Variants in PHIP observed in about 807,000 individuals in gnomAD.
PHIP encodes PH-interacting protein.
In PHIP, 54 loss-of-function variants were observed where a neutral mutation model predicts 236.8. The ratio of observed to expected loss-of-function variants is 0.23; its 90% CI spans 0.18 to 0.29. The LOEUF is 0.29. Among genes scored for constraint, PHIP ranks in the 10% least tolerant of loss-of-function variants. The pLI is 1.00. For synonymous variants in PHIP, 756 were observed against 718.9 expected (o/e 1.05, Z -0.83); for missense variants, 1,370 against 2,190.8 (o/e 0.63, Z 7.48).
chr6:79,065,886 T>C (rs1158891753), intron 4 of PHIP, among the ~76,000 whole-genome samples: 1 of 152,012 alleles, frequency 6.6e-6, no homozygotes, highest in Non-Finnish European at 1.5e-5. Context: ...ATTAATCATA[T>C]TCATATTCTT....
chr6:79,051,152 G>A lies in PHIP; in HGVS notation c.440-8149C>T, dbSNP rs115527843. On this transcript the variant is annotated intron_variant, in intron 6 of 39. Transcript: ENST00000275034. ...TGACAACCAAATACTCATAATTCGA[G>A]GGCCAGAATTAATCTGGGAAATTAT... is the stretch of plus-strand genomic sequence containing the variant. Among the ~76,000 whole-genome samples, 627 of 152,188 alleles carry A rather than the reference G, an allele frequency of 4.1e-3. 1 individual carries two copies. Among genetic ancestry groups the A allele is most frequent in the African/African-American group, 0.014 (567 of 41,524 alleles).
rs1425622750 is a variant in PHIP at position 78,990,895 on chromosome 6, T to C, written c.2292A>G (p.Lys764=). 6.3e-7 allele frequency: 1 copy of C among 1,598,972 alleles called. No individual in the cohort carries two copies. The highest frequency in any genetic ancestry group is 1.1e-5 in the South Asian group (1 of 90,388). Residue 764 remains lysine, a synonymous_variant, in exon 20 of 40, where the codon AAA becomes AAG. Transcript: ENST00000275034. ...TTGAGACAGTGGGTATTTTATTCTC[T>C]TTTGGAACAGTTAAGTGTTTTCTTT... is the stretch of plus-strand genomic sequence containing the variant. The part of the protein sequence containing the change: ...EEKRKHLTVP[K]ENKIPTVSKN...
At chr6:78,984,384 G>C (rs1420105468) in intron 22 of PHIP, among the ~76,000 whole-genome samples, 2 of 150,870 alleles carry the variant, frequency 1.3e-5, no homozygotes, top group Non-Finnish European at 3.0e-5. Flanking sequence ...ACTGTAAATG[G>C]TACCTGCCAA....
intron 19 of PHIP, among the ~76,000 whole-genome samples, chr6:78,993,608 A>G (rs1167886549): frequency 6.6e-6 from 1 of 152,232 alleles, no homozygotes; most frequent in African/African-American, 2.4e-5. Flanking sequence ...GAAACAACAA[A>G]GTCTAGATGG....
At position 79,007,603 on chromosome 6, in the gene PHIP, T is replaced by C. The variant is rs149923773; in HGVS notation, c.1525-3745A>G. Among the ~76,000 whole-genome samples, 95 of 150,736 alleles carry C rather than the reference T, an allele frequency of 6.3e-4. 1 individual carries two copies. In the South Asian group the frequency reaches 8.2e-3, roughly 13 times the overall value. ...ATATGGGCTATCTTAGGCAGAACCA[T>C]CCTCTTCTAGAGTTATTTCAATTCT... is the stretch of plus-strand genomic sequence containing the variant. On this transcript the variant is annotated intron_variant, in intron 15 of 39. Transcript: ENST00000275034.
In PHIP at chr6:78,975,425, T is replaced by A. The variant is rs1328453657; in HGVS notation, c.2889+3167A>T. Among the ~76,000 whole-genome samples, 18 of 152,278 alleles carry A rather than the reference T, an allele frequency of 1.2e-4. No individual in the cohort carries two copies. In the East Asian group the frequency reaches 3.5e-3, roughly 29 times the overall value. The stretch of plus-strand genomic sequence containing the variant: ...AACCCACAGCCAATATCATACTGAA[T>A]GGGCAAAAACTGGAAGCATTCCCTT... On this transcript the variant is annotated intron_variant, in intron 24 of 39. Transcript: ENST00000275034.
intron 9 of PHIP, among the ~76,000 whole-genome samples, chr6:79,022,284 A>G (rs1204874786): frequency 1.3e-5 from 2 of 152,208 alleles, no homozygotes; most frequent in African/African-American, 2.4e-5. Context: ...TGATACATGT[A>G]AAGTGCTTAG....
At position 79,009,285 on chromosome 6, in the gene PHIP, T is replaced by G. The variant is rs180819992; in HGVS notation, c.1525-5427A>C. On this transcript the variant is annotated intron_variant, in intron 15 of 39. Transcript: ENST00000275034. ...AATCAAGCTTCCTAAATATCTAAAT[T>G]TCTATGAACATGTCTTGACACTTAG... 1.6e-4 allele frequency among the ~76,000 whole-genome samples: 24 copies of G among 152,250 alleles called. No individual in the cohort carries two copies. The East Asian group carries it at 4.4e-3, about 28-fold the overall frequency.
At chr6:79,072,718 C>T (rs1481702705) in intron 4 of PHIP, among the ~76,000 whole-genome samples, 4 of 152,194 alleles carry the variant, frequency 2.6e-5, no homozygotes, top group African/African-American at 9.6e-5. Context: ...AACTCATGGC[C>T]TCCCAAAGTA....
intron 24 of PHIP, among the ~76,000 whole-genome samples, chr6:78,974,019 A>C (rs1170996236): frequency 6.6e-6 from 1 of 152,186 alleles, no homozygotes; most frequent in Non-Finnish European, 1.5e-5. Context: ...CTCTGCACCA[A>C]GCAGACCTAA....
At chr6:78,987,094 T>C (rs974021966) in intron 21 of PHIP, among the ~76,000 whole-genome samples, 14 of 152,104 alleles carry the variant, frequency 9.2e-5, no homozygotes, top group African/African-American at 3.4e-4. Flanking sequence ...ATTCTAAATT[T>C]CTAAAAGGAT....
At chr6:79,075,765 C>T (rs189631423) in intron 4 of PHIP, among the ~76,000 whole-genome samples, 71 of 152,146 alleles carry the variant, frequency 4.7e-4, no homozygotes, top group Non-Finnish European at 1.6e-4. Context: ...TGCAGCATTC[C>T]TCAGTGACTT....
chr6:79,003,655 C>T, intron 16 of PHIP, 75 bp downstream of exon 16: 1 of 980,416 alleles, frequency 1.0e-6, no homozygotes, highest in Non-Finnish European at 1.5e-6. Context: ...GATTCTCACC[C>T]ACTCCAAAAA....
chr6:79,076,561 A>G (rs1041039066), intron 4 of PHIP, among the ~76,000 whole-genome samples: 2 of 152,216 alleles, frequency 1.3e-5, no homozygotes, highest in Middle Eastern at 3.2e-3. Context: ...ATTTTTAAAG[A>G]TTCCTAAAAT....
chr6:78,989,996 C>T (rs1769117553), intron 20 of PHIP, among the ~76,000 whole-genome samples: 2 of 151,910 alleles, frequency 1.3e-5, no homozygotes, highest in Admixed American at 6.6e-5. Flanking sequence ...AAAAGGACTA[C>T]TTGAGTATTT....
intron 27 of PHIP, among the ~76,000 whole-genome samples, chr6:78,968,336 A>T (rs1767286818): frequency 6.6e-6 from 1 of 152,214 alleles, no homozygotes; most frequent in Non-Finnish European, 1.5e-5. Flanking sequence ...ATGGGTTTTA[A>T]CTGACCAGGT....
intron 6 of PHIP, among the ~76,000 whole-genome samples, chr6:79,056,227 G>A (rs11760038): frequency 0.07 from 10,590 of 152,228 alleles, 461 homozygotes; most frequent in Non-Finnish European, 0.091. Flanking sequence ...TTTAACATCT[G>A]AGTTTTAAAG....
intron 23 of PHIP, 115 bp from the exon 24 acceptor site, chr6:78,978,826 T>A: frequency 1.3e-6 from 1 of 793,698 alleles, no homozygotes; most frequent in Non-Finnish European, 1.9e-6. Flanking sequence ...GGCACCATTG[T>A]ACAATATTAT....
At chr6:79,030,886 C>T (rs1432869034) in intron 7 of PHIP, among the ~76,000 whole-genome samples, 2 of 151,960 alleles carry the variant, frequency 1.3e-5, no homozygotes, top group Admixed American at 1.3e-4. Flanking sequence ...TGTTTAATCA[C>T]AAAGATAAGA....
Sources: allele counts gnomAD v4.1 joint callset (sites outside exome capture counted in the v4.1 genomes callset), GRCh38; gene constraint gnomAD v4.1.1; transcripts MANE v1.5; gene names NCBI Gene and HGNC (gene_info 2026-07-23, HGNC 2026-07-21).